Variants in FRMD4A observed in about 807,000 individuals in gnomAD.
FRMD4A encodes FERM domain-containing protein 4A.
Under a neutral mutation model 129.1 loss-of-function variants are expected in FRMD4A, and 29 were observed. The ratio of observed to expected loss-of-function variants is 0.22; its 90% CI spans 0.17 to 0.31. The LOEUF is 0.31. FRMD4A is among the 10% of genes least tolerant of loss of function. FRMD4A has a pLI of 1.00. For missense variants in FRMD4A, 1,272 were observed against 1,375.8 expected (o/e 0.92, Z 1.19); for synonymous variants, 634 against 571.6 (o/e 1.11, Z -1.56).
intron 19 of FRMD4A, among the ~76,000 whole-genome samples, chr10:13,661,605 G>A (rs9787504): frequency 0.77 from 117,533 of 152,124 alleles, 46,168 homozygotes; most frequent in East Asian, 0.87. Context: ...GCACGGATGC[G>A]TCGGAGTGAA....
At chr10:13,957,166 C>T (rs1437438921) in intron 2 of FRMD4A, among the ~76,000 whole-genome samples, 7 of 152,228 alleles carry the variant, frequency 4.6e-5, no homozygotes, top group Non-Finnish European at 7.3e-5. Context: ...AAGGCAAAGC[C>T]GGCCTTGAAG....
chr10:14,046,798 T>C (rs1834008596), intron 2 of FRMD4A, among the ~76,000 whole-genome samples: 1 of 152,088 alleles, frequency 6.6e-6, no homozygotes. Flanking sequence ...AAGGAAATGG[T>C]TTTGTGGCTG....
At chr10:13,726,528 T>A (rs530414322) in intron 12 of FRMD4A, among the ~76,000 whole-genome samples, 2 of 152,194 alleles carry the variant, frequency 1.3e-5, no homozygotes, top group African/African-American at 2.4e-5. Context: ...GGCCTTAAGC[T>A]CCACTGCCTG....
chr10:14,085,365 T>C (rs1836205333), intron 2 of FRMD4A, among the ~76,000 whole-genome samples: 1 of 152,164 alleles, frequency 6.6e-6, no homozygotes, highest in African/African-American at 2.4e-5. Context: ...CACGAGCCGA[T>C]GGATGTAAAG....
chr10:14,022,242 G>C (rs1832793317), intron 2 of FRMD4A, among the ~76,000 whole-genome samples: 1 of 152,186 alleles, frequency 6.6e-6, no homozygotes, highest in Non-Finnish European at 1.5e-5. Flanking sequence ...CTTCGCAGAG[G>C]GGAGAGAATT....
intron 16 of FRMD4A, 148 bp downstream of exon 16, chr10:13,674,763 G>C (rs2083829635): frequency 3.6e-6 from 3 of 836,258 alleles, no homozygotes; most frequent in Admixed American, 2.2e-5. Context: ...CGCCCAGATA[G>C]GCCCTCTTTT....
intron 2 of FRMD4A, among the ~76,000 whole-genome samples, chr10:13,961,490 G>A (rs1461454653): frequency 6.6e-6 from 1 of 152,174 alleles, no homozygotes; most frequent in Non-Finnish European, 1.5e-5. Flanking sequence ...TTAAACACAC[G>A]ATGCTTATTA....
chr10:14,224,734 G>A (rs1239465261), intron 2 of FRMD4A, among the ~76,000 whole-genome samples: 1 of 152,154 alleles, frequency 6.6e-6, no homozygotes, highest in African/African-American at 2.4e-5. Flanking sequence ...TCTCCTTGGA[G>A]CGTATGAATT....
At chr10:13,768,278 C>T (rs2092351630) in intron 6 of FRMD4A, among the ~76,000 whole-genome samples, 1 of 152,164 alleles carries the variant, frequency 6.6e-6, no homozygotes, top group Non-Finnish European at 1.5e-5. Context: ...GTGTTTCTAA[C>T]AAGTGGGCCC....
In FRMD4A at chr10:13,916,766, A is replaced by G. The variant is rs78454981; in HGVS notation, c.46-57854T>C. 0.012 allele frequency among the ~76,000 whole-genome samples: 1,898 copies of G among 152,108 alleles called. 92 individuals carry two copies. In the East Asian group the frequency reaches 0.17, roughly 14 times the overall value. On this transcript the variant is annotated intron_variant, in intron 2 of 24. Coordinates refer to ENST00000357447, the MANE Select transcript of FRMD4A (RefSeq NM_018027.5). ...GACGTCAGCACCTCACTAAAACCAT[A>G]CCATATTTTCAGTAAATATGTGTTG...
intron 2 of FRMD4A, among the ~76,000 whole-genome samples, chr10:13,884,519 T>C (rs1254432029): frequency 6.6e-6 from 1 of 152,202 alleles, no homozygotes; most frequent in Non-Finnish European, 1.5e-5. Flanking sequence ...CTGATCTTTT[T>C]TGAAAATTAA....
At chr10:14,165,166 A>G (rs971934365) in intron 2 of FRMD4A, among the ~76,000 whole-genome samples, 2 of 152,224 alleles carry the variant, frequency 1.3e-5, no homozygotes, top group African/African-American at 4.8e-5. Context: ...ATAAGGAAAT[A>G]AAAACAAAAA....
chr10:13,879,992 C>T (rs1196352376), intron 2 of FRMD4A, among the ~76,000 whole-genome samples: 4 of 151,988 alleles, frequency 2.6e-5, no homozygotes, highest in South Asian at 2.1e-4. Flanking sequence ...GGTGCTTATG[C>T]ATTTTCCCAG....
At chr10:14,255,202 A>T (rs1844567045) in intron 2 of FRMD4A, among the ~76,000 whole-genome samples, 1 of 152,238 alleles carries the variant, frequency 6.6e-6, no homozygotes, top group Non-Finnish European at 1.5e-5. Flanking sequence ...AAAAGGTGAA[A>T]GAAAAATCAT....
At chr10:13,773,472 T>C (rs1316266314) in intron 6 of FRMD4A, among the ~76,000 whole-genome samples, 2 of 152,224 alleles carry the variant, frequency 1.3e-5, no homozygotes, top group African/African-American at 4.8e-5. Flanking sequence ...AAAGTACTTC[T>C]CTGAGGAACT....
intron 2 of FRMD4A, among the ~76,000 whole-genome samples, chr10:14,233,156 T>G (rs1274807067): frequency 1.3e-5 from 2 of 152,236 alleles, no homozygotes; most frequent in African/African-American, 4.8e-5. Context: ...CCTGACACAG[T>G]GTAAGCAGTC....
intron 6 of FRMD4A, among the ~76,000 whole-genome samples, chr10:13,766,316 C>T (rs1299975628): frequency 6.6e-6 from 1 of 152,192 alleles, no homozygotes; most frequent in Admixed American, 6.5e-5. Flanking sequence ...AGAACTGGCA[C>T]CTTTAACTGT....
chr10:13,704,027 C>CA (rs1564650778), intron 13 of FRMD4A, among the ~76,000 whole-genome samples: 2 of 151,198 alleles, frequency 1.3e-5, no homozygotes, highest in Non-Finnish European at 2.9e-5. Context: ...AACAAACAAA[C>CA]AAAAAAACAC....
chr10:13,910,737 A>G (rs994209354), intron 2 of FRMD4A, among the ~76,000 whole-genome samples: 2 of 152,184 alleles, frequency 1.3e-5, no homozygotes, highest in African/African-American at 4.8e-5. Context: ...TTTATTGAGC[A>G]CAATATCAAC....
Sources: gnomAD v4.1 joint callset for allele counts (sites outside exome capture counted in the v4.1 genomes callset) on GRCh38, gnomAD v4.1.1 for gene constraint, MANE v1.5 for transcripts, NCBI Gene and HGNC (gene_info 2026-07-23, HGNC 2026-07-21) for gene names.